IRS1: variants seen among roughly 807,000 people sequenced by gnomAD.
IRS1 encodes the protein insulin receptor substrate 1.
A neutral mutation model predicts 65.6 loss-of-function variants in IRS1; 34 were observed. That is an observed-to-expected ratio of 0.52 (90% CI 0.39 to 0.69). The LOEUF (loss-of-function observed/expected upper bound fraction) is 0.69. Among genes scored for constraint, IRS1 ranks in the 30% least tolerant of loss-of-function variants. The pLI is 0.00. For synonymous variants in IRS1, 699 were observed against 683.5 expected (o/e 1.02, Z -0.35); for missense variants, 1,641 against 1,720.2 (o/e 0.95, Z 0.81).
chr2:226,786,251 A>G (rs113295415), intron 1 of IRS1, among the ~76,000 whole-genome samples: 5,811 of 152,030 alleles, frequency 0.038, 145 homozygotes, highest in African/African-American at 0.071. Context: ...TCCTTTGGGT[A>G]TATACCCAGT....
At chr2:226,744,887 G>A (rs1938507206) in intron 1 of IRS1, among the ~76,000 whole-genome samples, 1 of 151,994 alleles carries the variant, frequency 6.6e-6, no homozygotes, top group Non-Finnish European at 1.5e-5. Flanking sequence ...GAATATCAGG[G>A]GGAAAACGTT....
Position 226,799,785 on chromosome 2 carries a change from GA to G in IRS1, c.-1048del. 1 of 993,962 alleles carries G rather than the reference GA, an allele frequency of 1.0e-6. No homozygotes were observed. Among genetic ancestry groups the G allele is most frequent in the Non-Finnish European group, 1.2e-6 (1 of 829,920 alleles). 61.6% of individuals were successfully genotyped at this position (993,962 alleles called of 1,614,324 possible). A position where few individuals can be genotyped will look rare whatever the true frequency, so the allele number is the denominator to read the frequency against. ...TCTCACTCGGAGGAGAAAAACACGT[GA>G]CGGAGCCTCCGCGCTCGGCAGCCGG... On this transcript the variant is annotated 5_prime_UTR_variant, in exon 1 of 2. Coordinates refer to ENST00000305123, the MANE Select transcript of IRS1 (RefSeq NM_005544.3). This position sits in a 1 kb window ranked among gnomAD's most constrained non-coding sequence, Gnocchi z 6.1.
Position 226,796,105 on chromosome 2 carries a change from C to T in IRS1, c.2634G>A (p.Gln878=). ...ASTLPRAREQ[Q]QQQQPLLHPP... Reference sequence around the variant, plus strand: ...GGTGCAGCAAGGGCTGCTGCTGCTGCTGCTGCTCTCGGGCCCGAGGTAAGG... The same window carrying T: ...GGTGCAGCAAGGGCTGCTGCTGCTGTTGCTGCTCTCGGGCCCGAGGTAAGG... The change falls in exon 1 of 2, where the codon CAG becomes CAA. Residue 878 remains glutamine (Q), a synonymous_variant. Coordinates refer to ENST00000305123, the MANE Select transcript of IRS1 (RefSeq NM_005544.3). 6.2e-7 allele frequency: 1 copy of T among 1,613,814 alleles called. No individual in the cohort carries two copies. Among genetic ancestry groups the T allele is most frequent in the Non-Finnish European group, 8.5e-7 (1 of 1,180,036 alleles).
At chr2:226,776,445 T>C (rs1449724201) in intron 1 of IRS1, among the ~76,000 whole-genome samples, 1 of 152,154 alleles carries the variant, frequency 6.6e-6, no homozygotes, top group African/African-American at 2.4e-5. Context: ...AAGAGCACAA[T>C]ATGGAAAGGC....
rs1035453966 is a variant in IRS1 at position 226,733,589 on chromosome 2, A to C, written c.*2683T>G. Reference sequence around the variant, plus strand: ...CTGTGAGAGGTTGGTGTCATCAAGAAAAACCCACTAACTTCTAGGTTAACC... The same window carrying C: ...CTGTGAGAGGTTGGTGTCATCAAGACAAACCCACTAACTTCTAGGTTAACC... On this transcript the variant is annotated 3_prime_UTR_variant, in exon 2 of 2. Transcript: ENST00000305123. 1 of 152,238 alleles carries C rather than the reference A, an allele frequency of 6.6e-6. No homozygotes were observed. The highest frequency in any genetic ancestry group is 2.4e-5 in the African/African-American group (1 of 41,454). The allele number at this position is 152,238 out of a possible 1,614,324, so 9.4% of individuals were successfully genotyped here. A position where few individuals can be genotyped will look rare whatever the true frequency, so the allele number is the denominator to read the frequency against.
rs34148710 is a variant in IRS1, at chr2:226,732,468, C to CTATATATATA, written c.*3794_*3803dup. On this transcript the variant is annotated 3_prime_UTR_variant, in exon 2 of 2. Transcript: ENST00000305123. ...TCAAGTTTCTCACAAGCCTATACATCTATATATATATATATATATATATAC... is the reference window on the plus strand; with the variant it reads ...TCAAGTTTCTCACAAGCCTATACATCTATATATATATATATATATATATATATATATATAC... The CTATATATATA allele has an allele frequency of 2.3e-4, 31 of 133,238 alleles. No individual in the cohort carries two copies. The highest frequency in any genetic ancestry group is 8.1e-4 in the African/African-American group (30 of 36,846). The allele number at this position is 133,238 out of a possible 1,614,324, so 8.3% of individuals were successfully genotyped here.
chr2:226,757,674 A>G (rs147054282), intron 1 of IRS1, among the ~76,000 whole-genome samples: 5 of 152,170 alleles, frequency 3.3e-5, no homozygotes, highest in Admixed American at 6.5e-5. Context: ...TGTTTCCTAC[A>G]CTTATAATCT....
chr2:226,752,085 T>C (rs1938695973), intron 1 of IRS1, among the ~76,000 whole-genome samples: 1 of 152,228 alleles, frequency 6.6e-6, no homozygotes, highest in South Asian at 2.1e-4. Flanking sequence ...TTGCTCCCAT[T>C]TTCTGCTGAG....
At chr2:226,743,170 C>CA (rs555915601) in intron 1 of IRS1, among the ~76,000 whole-genome samples, 1,392 of 138,454 alleles carry the variant, frequency 0.01, 21 homozygotes, top group African/African-American at 0.034. Context: ...GAAAAAAAAA[C>CA]AAAAAAAAAA....
At chr2:226,766,157 A>ATTTTTTTTT (rs1939040644) in intron 1 of IRS1, among the ~76,000 whole-genome samples, 5 of 5,774 alleles carry the variant, frequency 8.7e-4, no homozygotes, top group Admixed American at 8.5e-3. Context: ...ATATATATAT[A>ATTTTTTTTT]TATATATTTT....
At chr2:226,761,780 A>AT (rs1398360138) in intron 1 of IRS1, among the ~76,000 whole-genome samples, 8 of 152,148 alleles carry the variant, frequency 5.3e-5, no homozygotes, top group African/African-American at 1.7e-4. Context: ...TTAGCTACAA[A>AT]TTTTCAATCT....
intron 1 of IRS1, among the ~76,000 whole-genome samples, chr2:226,770,584 T>C (rs773058984): frequency 1.3e-5 from 2 of 152,206 alleles, no homozygotes; most frequent in Non-Finnish European, 2.9e-5. Context: ...ATGACATCTA[T>C]AACATACAGT....
intron 1 of IRS1, among the ~76,000 whole-genome samples, chr2:226,762,357 C>CAA (rs67318812): frequency 3.7e-4 from 44 of 119,810 alleles, no homozygotes; most frequent in East Asian, 1.5e-3. Context: ...CATAAAAATG[C>CAA]AAAAAAAAAA....
chr2:226,742,726 A>AAAAAAAAAAAAAAAG (rs1431863272), intron 1 of IRS1, among the ~76,000 whole-genome samples: 10 of 147,900 alleles, frequency 6.8e-5, no homozygotes, highest in South Asian at 4.5e-4. Flanking sequence ...AAAAAAAAAA[A>AAAAAAAAAAAAAAAG]AGAAGACCGA....
At chr2:226,750,249 C>CAAAAAAAAAAA (rs75785691) in intron 1 of IRS1, among the ~76,000 whole-genome samples, 1 of 59,994 alleles carries the variant, frequency 1.7e-5, no homozygotes. Flanking sequence ...AACTCTGTCT[C>CAAAAAAAAAAA]AAAAAAAAAA....
Position 226,794,357 on chromosome 2 carries a change from T to C in IRS1, c.*21+632A>G, listed in dbSNP as rs1469621562. ...AGGAGAACGTCACCCATAATTACTT[T>C]CTTGAGAGATCACAAAATAGATAGG... On this transcript the variant is annotated intron_variant, in intron 1 of 1. Transcript: ENST00000305123. This position sits in a 1 kb window ranked among gnomAD's most constrained non-coding sequence, Gnocchi z 4.1. 6.6e-6 allele frequency among the ~76,000 whole-genome samples: 1 copy of C among 152,196 alleles called. No homozygotes were observed. The highest frequency in any genetic ancestry group is 6.5e-5 in the Admixed American group (1 of 15,284).
intron 1 of IRS1, among the ~76,000 whole-genome samples, chr2:226,770,669 A>C (rs1939145372): frequency 6.6e-6 from 1 of 152,234 alleles, no homozygotes; most frequent in African/African-American, 2.4e-5. Context: ...AAACAGACAA[A>C]GCATTTTACA....
At chr2:226,773,988 C>A (rs1335996859) in intron 1 of IRS1, among the ~76,000 whole-genome samples, 3 of 152,120 alleles carry the variant, frequency 2.0e-5, no homozygotes, top group Non-Finnish European at 4.4e-5. Flanking sequence ...TGAGGCATGG[C>A]AGAATGGCCC....
Position 226,798,212 on chromosome 2 carries a change from G to C in IRS1, c.527C>G (p.Thr176Arg), listed in dbSNP as rs187791805. Residue 176 changes from threonine (T) to arginine (R), a missense_variant, in exon 1 of 2, where the codon ACA (threonine) becomes AGA (arginine). By Grantham distance (71) the Thr-to-Arg change is moderately conservative. This residue lies in a region of IRS1 where 77 missense variants were observed against 129.6 expected (regional missense o/e 0.59). Transcript: ENST00000305123. The surrounding 1 kb of genome is among the most constrained non-coding windows in gnomAD (Gnocchi z 9.4). ...GCGGTAGATACCAATCAGGTTCTTTGTCTGACCCAGGCCCTTGGGCTTCAG... is the reference window on the plus strand; with the variant it reads ...GCGGTAGATACCAATCAGGTTCTTTCTCTGACCCAGGCCCTTGGGCTTCAG... ...VILKPKGLGQ[T>R]KNLIGIYRLC... The C allele has an allele frequency of 1.7e-5, 28 of 1,613,836 alleles. No individual in the cohort carries two copies. In the Admixed American group the frequency reaches 4.5e-4, roughly 26 times the overall value.
Sources: gnomAD v4.1 joint callset for allele counts (sites outside exome capture counted in the v4.1 genomes callset) on GRCh38, gnomAD v4.1.1 for gene constraint, gnomAD v4.1.1 regional missense constraint, Gnocchi (gnomAD v3.1) non-coding constraint, MANE v1.5 for transcripts, NCBI Gene and HGNC (gene_info 2026-07-23, HGNC 2026-07-21) for gene names.